Variants in SPANXN4 observed in about 807,000 individuals in gnomAD.
SPANXN4 encodes the protein sperm protein associated with the nucleus on the X chromosome N4.
A neutral mutation model predicts 6.0 loss-of-function variants in SPANXN4; 5 were observed. That is an observed-to-expected ratio of 0.83 (90% CI 0.44 to 1.75). SPANXN4 has a LOEUF of 1.75. Ranked by LOEUF, SPANXN4 falls within the 40% of genes most tolerant of loss-of-function variation. SPANXN4 has a pLI of 0.02. For synonymous variants in SPANXN4, 45 were observed against 38.0 expected, an observed-to-expected ratio of 1.19 and a Z score of -0.68; for missense variants, 157 against 108.6, an observed-to-expected ratio of 1.45 and a Z score of -1.98.
downstream of SPANXN4, among the ~76,000 whole-genome samples, chrX:143,035,398 C>T (rs1357383841): frequency 9.1e-6 from 1 of 110,097 alleles, no homozygotes; most frequent in African/African-American, 3.3e-5. Context: ...CTTAATGTTC[C>T]ACTCAGGCCT....
intron 1 of SPANXN4, among the ~76,000 whole-genome samples, chrX:143,028,264 G>A (rs375494196): frequency 1.1e-4 from 12 of 110,594 alleles, no homozygotes; most frequent in African/African-American, 2.0e-4. Context: ...AGGAGGAGGA[G>A]TCTGCGATTC....
downstream of SPANXN4, among the ~76,000 whole-genome samples, chrX:143,037,586 C>CAGGAAAA (rs1240459731): frequency 3.6e-4 from 40 of 111,293 alleles, no homozygotes; most frequent in African/African-American, 1.3e-3. Context: ...TTATCAATTC[C>CAGGAAAA]TAACCATTTC....
chrX:143,032,470 G>A (rs1254514195), intron 1 of SPANXN4, among the ~76,000 whole-genome samples: 1 of 109,876 alleles, frequency 9.1e-6, no homozygotes, highest in Admixed American at 9.7e-5. Context: ...ATGTTGGGAG[G>A]GGGACTGAGA....
intron 1 of SPANXN4, among the ~76,000 whole-genome samples, chrX:143,032,612 C>A (rs1244915227): frequency 9.0e-6 from 1 of 110,734 alleles, no homozygotes; most frequent in Non-Finnish European, 1.9e-5. Context: ...GAGAGCAATC[C>A]ATGAACGGAG....
At chrX:143,036,514 C>A (rs966187856), downstream of SPANXN4, among the ~76,000 whole-genome samples, 1 of 111,829 alleles carries the variant, frequency 8.9e-6, no homozygotes, top group African/African-American at 3.2e-5. Context: ...GTCCAAGCAC[C>A]ATTTGTTGAA....
At chrX:143,027,470 TC>T (rs1480810106) in intron 1 of SPANXN4, among the ~76,000 whole-genome samples, 1 of 111,123 alleles carries the variant, frequency 9.0e-6, no homozygotes, top group Non-Finnish European at 1.9e-5. Flanking sequence ...TTTTATGGGA[TC>T]CAGCTTGTAT....
chrX:143,038,090 G>A (rs1190380683), downstream of SPANXN4, among the ~76,000 whole-genome samples: 1 of 111,681 alleles, frequency 9.0e-6, no homozygotes, highest in Non-Finnish European at 1.9e-5. Flanking sequence ...AATCCCAGTT[G>A]ATTCTGATGT....
Position 143,034,546 on chromosome X carries a change from T to C in SPANXN4, c.321T>C (p.Arg107=), listed in dbSNP as rs1264475839. 2.6e-6 allele frequency: 3 copies of C among 1,158,894 alleles called. No individual in the cohort carries two copies. In the Admixed American group the frequency reaches 8.1e-5, roughly 31 times the overall value. Reference sequence around the variant, plus strand: ...AGGATTTGGTGTTCCTTGGAGCACGTGCATGTTTAGAAGAGCACATAAGAA... The same window carrying C: ...AGGATTTGGTGTTCCTTGGAGCACGCGCATGTTTAGAAGAGCACATAAGAA... The change falls in exon 3 of 3, where the codon CGT becomes CGC. Residue 107 remains arginine, a synonymous_variant. Transcript: ENST00000370504.
chrX:143,027,897 A>C (rs1443280643), intron 1 of SPANXN4, among the ~76,000 whole-genome samples: 2 of 111,185 alleles, frequency 1.8e-5, no homozygotes, highest in Admixed American at 9.6e-5. Flanking sequence ...GGCGCCCTGC[A>C]GTCATACCTC....
intron 2 of SPANXN4, chrX:143,034,247 T>C: frequency 8.6e-7 from 1 of 1,160,082 alleles, no homozygotes; most frequent in South Asian, 2.0e-5. Flanking sequence ...GCAGAATTAG[T>C]CCAAATTGGA....
chrX:143,029,002 T>C lies in SPANXN4; in HGVS notation c.78+2910T>C, dbSNP rs201391868. On this transcript the variant is annotated intron_variant, in intron 1 of 2. Transcript: ENST00000370504. ...GGACAAGACACTTTCATCATTGAGG[T>C]AGAACTATTTTTTCCTGAATGGTGC... 3.4e-4 allele frequency among the ~76,000 whole-genome samples: 38 copies of C among 111,696 alleles called. No homozygotes were observed. The East Asian group carries it at 0.011, about 32-fold the overall frequency.
At chrX:143,034,451 G>T (rs1417909727) in intron 2 of SPANXN4, 140 bp downstream of exon 2, 1 of 1,107,068 alleles carries the variant, frequency 9.0e-7, no homozygotes, top group African/African-American at 1.9e-5. Context: ...TGTAAATAAA[G>T]ACTGGGGGAG....
downstream of SPANXN4, among the ~76,000 whole-genome samples, chrX:143,035,598 A>T (rs904574478): frequency 9.1e-6 from 1 of 110,392 alleles, no homozygotes; most frequent in Non-Finnish European, 1.9e-5. Flanking sequence ...CATGTGTTTA[A>T]TTTTTATTTC....
At chrX:143,037,461 C>G (rs1158984794), downstream of SPANXN4, among the ~76,000 whole-genome samples, 4 of 111,572 alleles carry the variant, frequency 3.6e-5, no homozygotes, top group Non-Finnish European at 7.5e-5. Context: ...TAACGAATGC[C>G]TGCAGTTTCT....
downstream of SPANXN4, chrX:143,034,719 C>T (rs750114448): frequency 3.5e-5 from 39 of 1,113,078 alleles, no homozygotes; most frequent in Non-Finnish European, 4.5e-5. Flanking sequence ...GGAACAAGAA[C>T]CTCACCCTAC....
At chrX:143,029,947 G>T in intron 1 of SPANXN4, among the ~76,000 whole-genome samples, 1 of 111,719 alleles carries the variant, frequency 9.0e-6, no homozygotes, top group Non-Finnish European at 1.9e-5. Flanking sequence ...CGTATATTTG[G>T]CAGAGTAGTC....
At chrX:143,035,293 T>C (rs1932838176), downstream of SPANXN4, among the ~76,000 whole-genome samples, 1 of 110,291 alleles carries the variant, frequency 9.1e-6, no homozygotes, top group Non-Finnish European at 1.9e-5. Flanking sequence ...TTGTAATGCA[T>C]TTGATGTGTA....
chrX:143,027,439 G>A (rs1468135920), intron 1 of SPANXN4, among the ~76,000 whole-genome samples: 1 of 111,276 alleles, frequency 9.0e-6, no homozygotes, highest in Non-Finnish European at 1.9e-5. Flanking sequence ...TGGCAGAGAG[G>A]GGAGGGGTTG....
chrX:143,036,650 T>C (rs541935269), downstream of SPANXN4, among the ~76,000 whole-genome samples: 172 of 112,376 alleles, frequency 1.5e-3, no homozygotes, highest in South Asian at 0.046. Flanking sequence ...CTAAGCAGTA[T>C]GCTTTCTTGA....
Sources: allele counts gnomAD v4.1 joint callset (sites outside exome capture counted in the v4.1 genomes callset), GRCh38; gene constraint gnomAD v4.1.1; transcripts MANE v1.5; gene names NCBI Gene and HGNC (gene_info 2026-07-23, HGNC 2026-07-21).